The following PLXDC2 variants were observed in gnomAD, a reference collection of about 807,000 sequenced individuals.
The protein encoded by PLXDC2 is plexin domain-containing protein 2.
Under a neutral mutation model 68.9 loss-of-function variants are expected in PLXDC2, and 40 were observed. The observed-to-expected ratio is 0.58, with a 90% CI of 0.45 to 0.76. The LOEUF is 0.76. Ranked by LOEUF, PLXDC2 falls within the 30% of genes least tolerant of loss-of-function variation. PLXDC2 has a pLI of 0.00. For missense variants in PLXDC2, 644 were observed against 661.9 expected, an observed-to-expected ratio of 0.97 and a Z score of 0.30; for synonymous variants, 243 against 234.2, an observed-to-expected ratio of 1.04 and a Z score of -0.34.
At position 19,885,038 on chromosome 10, in the gene PLXDC2, T is replaced by C. The variant is rs557220386; in HGVS notation, c.112+67847T>C. ...TGTTGTTTCCTGACTTTTTAATGAT[T>C]GCCATTGTAACTGGTGTGAGATGAT... is the stretch of plus-strand genomic sequence containing the variant. On this transcript the variant is annotated intron_variant, in intron 1 of 13. Transcript: ENST00000377252. Among the ~76,000 whole-genome samples, 783 of 152,264 alleles carry C rather than the reference T, an allele frequency of 5.1e-3. 6 individuals are homozygous for C. Among genetic ancestry groups the C allele is most frequent in the African/African-American group, 0.018 (757 of 41,554 alleles).
At chr10:20,048,866 G>A (rs1835843410) in intron 3 of PLXDC2, among the ~76,000 whole-genome samples, 1 of 152,078 alleles carries the variant, frequency 6.6e-6, no homozygotes, top group Non-Finnish European at 1.5e-5. Flanking sequence ...CATGAAAAAT[G>A]ATAATACTGT....
At position 19,902,491 on chromosome 10, in the gene PLXDC2, T is replaced by C. The variant is rs182674421; in HGVS notation, c.112+85300T>C. Among the ~76,000 whole-genome samples, 192 of 152,274 alleles carry C rather than the reference T, an allele frequency of 1.3e-3. No individual in the cohort carries two copies. The Middle Eastern group carries it at 0.014, about 11-fold the overall frequency. ...ATTTGATTCTCAGCTTGGTTGCTGT[T>C]GGTTTATAGCAGAGCTACTGATTTG... On this transcript the variant is annotated intron_variant, in intron 1 of 13. Coordinates refer to ENST00000377252, the MANE Select transcript of PLXDC2 (RefSeq NM_032812.9).
intron 4 of PLXDC2, among the ~76,000 whole-genome samples, chr10:20,092,552 C>G (rs1833294179): frequency 6.6e-6 from 1 of 152,048 alleles, no homozygotes; most frequent in African/African-American, 2.4e-5. Context: ...ACAAATCTCA[C>G]AGAAGTTGAT....
chr10:19,992,895 T>C (rs1219107518), intron 1 of PLXDC2, among the ~76,000 whole-genome samples: 1 of 152,214 alleles, frequency 6.6e-6, no homozygotes, highest in East Asian at 1.9e-4. Flanking sequence ...TTGATTGTTT[T>C]CTTGTGTTAT....
At chr10:20,211,539 G>T in intron 9 of PLXDC2, 130 bp from the exon 10 acceptor site, 2 of 721,788 alleles carry the variant, frequency 2.8e-6, no homozygotes, top group Non-Finnish European at 4.6e-6. Flanking sequence ...GAGTTCTATA[G>T]AAGAGTTAAT....
intron 2 of PLXDC2, among the ~76,000 whole-genome samples, chr10:20,018,859 G>T (rs1270284368): frequency 6.6e-6 from 1 of 152,124 alleles, no homozygotes; most frequent in Admixed American, 6.5e-5. Context: ...AACAAATGAG[G>T]TTAAGTTGTA....
chr10:20,078,850 T>C (rs1042100497), intron 4 of PLXDC2, among the ~76,000 whole-genome samples: 1 of 152,210 alleles, frequency 6.6e-6, no homozygotes, highest in African/African-American at 2.4e-5. Flanking sequence ...GCTTCTTATA[T>C]TCTGAATTCC....
chr10:19,892,524 C>T (rs1837983349), intron 1 of PLXDC2, among the ~76,000 whole-genome samples: 1 of 152,194 alleles, frequency 6.6e-6, no homozygotes, highest in South Asian at 2.1e-4. Flanking sequence ...ACTAGGACTC[C>T]AGCTGAAATT....
chr10:19,923,875 G>A (rs1833499755), intron 1 of PLXDC2, among the ~76,000 whole-genome samples: 1 of 152,146 alleles, frequency 6.6e-6, no homozygotes. Flanking sequence ...ACCAGCTTGG[G>A]CATCATAGCG....
rs1836173297 is a variant in PLXDC2 at position 20,287,612 on chromosome 10, G to C, written c.*7793G>C. ...GCAGGCTACTCTGAAAATAACATTA[G>C]GCAACATCAGAGCTTCACTTGCAAA... On this transcript the variant is annotated 3_prime_UTR_variant, in exon 14 of 14. Coordinates refer to ENST00000377252, the MANE Select transcript of PLXDC2 (RefSeq NM_032812.9). 2 of 152,128 alleles carry C rather than the reference G, an allele frequency of 1.3e-5. No individual in the cohort carries two copies. Among genetic ancestry groups the C allele is most frequent in the African/African-American group, 4.8e-5 (2 of 41,434 alleles). The allele number at this position is 152,128 out of a possible 1,614,324, so 9.4% of individuals were successfully genotyped here.
intron 9 of PLXDC2, among the ~76,000 whole-genome samples, chr10:20,207,139 A>T (rs542036049): frequency 1.3e-5 from 2 of 152,144 alleles, no homozygotes; most frequent in Non-Finnish European, 2.9e-5. Flanking sequence ...TTTCAAACCA[A>T]ATCTCACTTG....
chr10:20,096,933 A>T (rs1833356767), intron 4 of PLXDC2, among the ~76,000 whole-genome samples: 1 of 152,080 alleles, frequency 6.6e-6, no homozygotes, highest in South Asian at 2.1e-4. Flanking sequence ...AGCGAAATTA[A>T]TTCCCTTCTT....
chr10:20,113,658 A>G (rs1833585967), intron 4 of PLXDC2, among the ~76,000 whole-genome samples: 1 of 152,216 alleles, frequency 6.6e-6, no homozygotes, highest in Non-Finnish European at 1.5e-5. Context: ...CTTCAGCTGC[A>G]TAAACAATAG....
At chr10:20,251,144 C>G (rs897491859) in intron 13 of PLXDC2, among the ~76,000 whole-genome samples, 2 of 152,070 alleles carry the variant, frequency 1.3e-5, no homozygotes, top group Non-Finnish European at 2.9e-5. Flanking sequence ...AGCAGAATAG[C>G]CTATTTTTTT....
intron 12 of PLXDC2, among the ~76,000 whole-genome samples, chr10:20,223,561 C>T (rs1835246874): frequency 6.6e-6 from 1 of 152,172 alleles, no homozygotes; most frequent in East Asian, 1.9e-4. Context: ...GATCCACCTG[C>T]CTTGGCCTCC....
chr10:20,010,004 G>A (rs1454744362), intron 2 of PLXDC2, among the ~76,000 whole-genome samples: 1 of 152,042 alleles, frequency 6.6e-6, no homozygotes, highest in Non-Finnish European at 1.5e-5. Context: ...GAAAGGCTGT[G>A]GATGAGCATA....
At chr10:19,987,718 C>A (rs928941970) in intron 1 of PLXDC2, among the ~76,000 whole-genome samples, 1 of 151,620 alleles carries the variant, frequency 6.6e-6, no homozygotes, top group East Asian at 1.9e-4. Flanking sequence ...CCCGCCACCA[C>A]CCCCGGCTAT....
At chr10:19,946,416 C>A (rs892670751) in intron 1 of PLXDC2, among the ~76,000 whole-genome samples, 63 of 152,230 alleles carry the variant, frequency 4.1e-4, no homozygotes, top group African/African-American at 1.4e-3. Context: ...CCCTGACCCC[C>A]TGACCGATGA....
chr10:19,846,122 A>G (rs1353462908), intron 1 of PLXDC2, among the ~76,000 whole-genome samples: 1 of 152,148 alleles, frequency 6.6e-6, no homozygotes. Context: ...CTTGAGTCCA[A>G]CCTTTCACTT....
Sources: gnomAD v4.1 joint callset for allele counts (sites outside exome capture counted in the v4.1 genomes callset) on GRCh38, gnomAD v4.1.1 for gene constraint, MANE v1.5 for transcripts, NCBI Gene and HGNC (gene_info 2026-07-23, HGNC 2026-07-21) for gene names.